Variants in GABRP observed in about 807,000 individuals in gnomAD.
GABRP encodes the protein gamma-aminobutyric acid receptor subunit pi.
GABRP carries 52 observed loss-of-function variants against 47.8 expected under a neutral mutation model. The observed-to-expected ratio is 1.09, with a 90% CI of 0.87 to 1.37. The LOEUF is 1.37. Ranked by LOEUF, GABRP falls within the 40% of genes most tolerant of loss-of-function variation. The pLI, the probability that GABRP is intolerant of heterozygous loss-of-function variation, is 0.00. For missense variants in GABRP, 525 were observed against 542.8 expected (o/e 0.97, Z 0.33); for synonymous variants, 221 against 205.8 (o/e 1.07, Z -0.63).
rs1018108553 is a variant in GABRP at position 170,783,884 on chromosome 5, C to T, written c.-43+10C>T. On this transcript the variant is annotated intron_variant, in intron 1 of 9. Transcript: ENST00000265294. ...CCTCAACAACTACCTGGTAAGGAAA[C>T]TGCTGGCCCCTCCAGGTGTCTGGAG... 1.3e-5 allele frequency: 2 copies of T among 152,352 alleles called. No homozygotes were observed. Among genetic ancestry groups the T allele is most frequent in the Non-Finnish European group, 2.9e-5 (2 of 68,158 alleles). The allele number at this position is 152,352 out of a possible 1,614,324, so 9.4% of individuals were successfully genotyped here.
In GABRP at chr5:170,795,345, G is replaced by A. The variant is rs1315619856; in HGVS notation, c.378G>A (p.Lys126=). 1.2e-6 allele frequency: 2 copies of A among 1,614,038 alleles called. No individual in the cohort carries two copies. Among genetic ancestry groups the A allele is most frequent in the East Asian group, 4.5e-5 (2 of 44,826 alleles). ...CAGATACTTACATTGTGGAGTCCAA[G>A]AAGTCCTTCCTCCATGAAGTCACTG... The part of the protein sequence containing the change: ...WVPDTYIVES[K]KSFLHEVTVG... Residue 126 remains lysine, a synonymous_variant, in exon 5 of 10, where the codon AAG becomes AAA. Coordinates refer to ENST00000265294, the MANE Select transcript of GABRP (RefSeq NM_014211.3).
In GABRP at chr5:170,795,323, A is replaced by C; in HGVS notation, c.356A>C (p.Asp119Ala). 6.2e-7 allele frequency: 1 copy of C among 1,613,972 alleles called. No individual in the cohort carries two copies. The highest frequency in any genetic ancestry group is 1.1e-5 in the South Asian group (1 of 91,064). ...ARLVEFLWVPDTYIVESKKSF... is the reference protein window; with the variant it reads ...ARLVEFLWVPATYIVESKKSF... ...CTCGTGGAGTTCCTCTGGGTGCCAG[A>C]TACTTACATTGTGGAGTCCAAGAAG... Residue 119 changes from aspartate to alanine, a missense_variant, in exon 5 of 10, where the codon GAT becomes GCT. Physicochemically the swap from Asp to Ala is moderately radical, Grantham distance 126 (BLOSUM62 -2). Coordinates refer to ENST00000265294, the MANE Select transcript of GABRP (RefSeq NM_014211.3).
chr5:170,794,160 G>T, intron 3 of GABRP, 71 bp from the exon 4 acceptor site: 1 of 872,872 alleles, frequency 1.1e-6, no homozygotes. Context: ...ATCTTTTTTA[G>T]AATGCACTAA....
chr5:170,792,014 C>T (rs1040190379), intron 3 of GABRP, among the ~76,000 whole-genome samples: 1 of 152,160 alleles, frequency 6.6e-6, no homozygotes, highest in African/African-American at 2.4e-5. Flanking sequence ...ACCAGTTCCA[C>T]CATGAGGCTT....
intron 8 of GABRP, 69 bp from the exon 9 acceptor site, chr5:170,809,499 C>A: frequency 1.3e-6 from 2 of 1,483,518 alleles, no homozygotes; most frequent in Admixed American, 1.7e-5. Flanking sequence ...CAAATGGGGA[C>A]ACTCTGCCAG....
chr5:170,809,845 C>T, intron 9 of GABRP, 90 bp downstream of exon 9: 1 of 1,238,828 alleles, frequency 8.1e-7, no homozygotes, highest in Non-Finnish European at 1.2e-6. Flanking sequence ...CTATCCCCAC[C>T]CCACCCGCAG....
chr5:170,805,695 G>C lies in GABRP; in HGVS notation c.542-21G>C, dbSNP rs778790224. On this transcript the variant is annotated intron_variant, in intron 6 of 9. Transcript: ENST00000265294. ...ATCTGGAACACCCTTGCACTGACCA[G>C]GGCTCCATTTTATTTGCCAGGGGGC... The C allele has an allele frequency of 7.4e-6, 12 of 1,613,768 alleles. No homozygotes were observed. The Admixed American group carries it at 2.0e-4, about 27-fold the overall frequency.
chr5:170,805,642 A>T, intron 6 of GABRP, 74 bp from the exon 7 acceptor site: 1 of 1,518,876 alleles, frequency 6.6e-7, no homozygotes, highest in Non-Finnish European at 9.0e-7. Context: ...TCTCCATATT[A>T]TAGCATTTTC....
At chr5:170,801,612 T>A (rs1561812675) in intron 6 of GABRP, among the ~76,000 whole-genome samples, 2 of 152,168 alleles carry the variant, frequency 1.3e-5, no homozygotes. Context: ...GTTTTATATA[T>A]TGTCCCACTA....
chr5:170,804,525 G>A (rs1271926651), intron 6 of GABRP, among the ~76,000 whole-genome samples: 2 of 152,166 alleles, frequency 1.3e-5, no homozygotes, highest in African/African-American at 2.4e-5. Flanking sequence ...CTTCGTTACT[G>A]TCTATCTTTT....
chr5:170,788,629 T>C lies in GABRP; in HGVS notation c.14T>C (p.Leu5Pro). Reference protein sequence around the residue: MNYSLHLAFVCLSLF... With the variant: MNYSPHLAFVCLSLF... ...CAGCTTCTCAACATGAACTACAGCC[T>C]CCACTTGGCCTTCGTGTGTCTGAGT... is the stretch of plus-strand genomic sequence containing the variant. Residue 5 changes from leucine to proline, a missense_variant, in exon 2 of 10, where the codon CTC becomes CCC. Transcript: ENST00000265294. 1 of 1,614,128 alleles carries C rather than the reference T, an allele frequency of 6.2e-7. No individual in the cohort carries two copies. Among genetic ancestry groups the C allele is most frequent in the Non-Finnish European group, 8.5e-7 (1 of 1,180,002 alleles).
chr5:170,792,452 AAG>A (rs1554119237), intron 3 of GABRP, among the ~76,000 whole-genome samples: 3 of 150,156 alleles, frequency 2.0e-5, no homozygotes, highest in African/African-American at 7.5e-5. Context: ...CAAAAAAAAA[AAG>A]AAAGAAAGAA....
chr5:170,794,140 T>C (rs1765355903), intron 3 of GABRP, 91 bp from the exon 4 acceptor site: 1 of 779,396 alleles, frequency 1.3e-6, no homozygotes. Flanking sequence ...GCACAACTTT[T>C]GTAATTTTAA....
intron 3 of GABRP, among the ~76,000 whole-genome samples, chr5:170,789,511 C>A (rs1765210171): frequency 6.6e-6 from 1 of 152,166 alleles, no homozygotes; most frequent in African/African-American, 2.4e-5. Flanking sequence ...ACACTGTCGT[C>A]CTCCTGCCCC....
chr5:170,797,418 CT>C, intron 5 of GABRP, 47 bp from the exon 6 acceptor site: 1 of 1,206,132 alleles, frequency 8.3e-7, no homozygotes, highest in Non-Finnish European at 1.2e-6. Flanking sequence ...TGTGAACTTT[CT>C]ATAACTTCCT....
rs768154765 is a variant in GABRP at position 170,795,200 on chromosome 5, C to T, written c.241-8C>T. ...CATCCATTTCCATACCCTGCCTCCC[C>T]CTCCCAGGACTACACAGCCACCATA... On this transcript the variant is annotated splice_polypyrimidine_tract_variant and splice_region_variant and intron_variant, in intron 4 of 9. Transcript: ENST00000265294. 3 of 1,607,976 alleles carry T rather than the reference C, an allele frequency of 1.9e-6. No homozygotes were observed. Among genetic ancestry groups the T allele is most frequent in the African/African-American group, 1.3e-5 (1 of 74,672 alleles).
At chr5:170,799,243 A>G (rs374349142) in intron 6 of GABRP, among the ~76,000 whole-genome samples, 1 of 152,144 alleles carries the variant, frequency 6.6e-6, no homozygotes, top group African/African-American at 2.4e-5. Context: ...ATAAATATAC[A>G]TGTGCATGTG....
At chr5:170,807,213 G>C (rs1308178508) in intron 7 of GABRP, among the ~76,000 whole-genome samples, 5 of 152,138 alleles carry the variant, frequency 3.3e-5, no homozygotes, top group African/African-American at 9.7e-5. Flanking sequence ...CTCCCAAAAT[G>C]CTGGGATTAC....
intron 1 of GABRP, among the ~76,000 whole-genome samples, chr5:170,785,565 G>A (rs540881216): frequency 1.3e-5 from 2 of 152,316 alleles, no homozygotes; most frequent in East Asian, 3.9e-4. Flanking sequence ...GCTCTAGCCT[G>A]GGTGAAGCTT....
Sources: gnomAD v4.1 joint callset for allele counts (sites outside exome capture counted in the v4.1 genomes callset) on GRCh38, gnomAD v4.1.1 for gene constraint, MANE v1.5 for transcripts, NCBI Gene and HGNC (gene_info 2026-07-23, HGNC 2026-07-21) for gene names.